Variants in ACOT7 observed in about 807,000 individuals in gnomAD.
ACOT7 encodes cytosolic acyl coenzyme A thioester hydrolase.
Under a neutral mutation model 40.2 loss-of-function variants are expected in ACOT7, and 12 were observed. That is an observed-to-expected ratio of 0.30 (90% CI 0.19 to 0.48). The LOEUF (loss-of-function observed/expected upper bound fraction) is 0.48. ACOT7 is among the 20% of genes least tolerant of loss of function. ACOT7 has a pLI of 0.99. For missense variants in ACOT7, 395 were observed against 530.8 expected, an observed-to-expected ratio of 0.74 and a Z score of 2.51; for synonymous variants, 228 against 219.5, an observed-to-expected ratio of 1.04 and a Z score of -0.34.
chr1:6,295,117 T>G, intron 6 of ACOT7, 137 bp from the exon 7 acceptor site: 2 of 589,644 alleles, frequency 3.4e-6, no homozygotes, highest in Non-Finnish European at 6.0e-6. Context: ...GGGTGCAGGG[T>G]GCTCGGCCGC....
intron 1 of ACOT7, among the ~76,000 whole-genome samples, chr1:6,356,259 C>A (rs1358112495): frequency 6.6e-6 from 1 of 152,160 alleles, no homozygotes; most frequent in Non-Finnish European, 1.5e-5. Flanking sequence ...CACCGCTGGT[C>A]TCCAGCCTGA....
At chr1:6,371,222 T>C (rs1041141944) in intron 1 of ACOT7, among the ~76,000 whole-genome samples, 1 of 152,248 alleles carries the variant, frequency 6.6e-6, no homozygotes, top group African/African-American at 2.4e-5. Context: ...CCAGGATTTG[T>C]TGTTCCATTT....
intron 3 of ACOT7, among the ~76,000 whole-genome samples, chr1:6,337,448 G>A (rs892428526): frequency 3.3e-5 from 5 of 152,220 alleles, no homozygotes; most frequent in African/African-American, 7.2e-5. Flanking sequence ...CTTCCTGGTC[G>A]CCTCTGCTCA....
chr1:6,368,353 C>T (rs1642059840), intron 1 of ACOT7, among the ~76,000 whole-genome samples: 1 of 152,182 alleles, frequency 6.6e-6, no homozygotes, highest in South Asian at 2.1e-4. Context: ...GGTGCGGTGG[C>T]TGCACCGCAG....
At chr1:6,342,717 A>G (rs1203446833) in intron 2 of ACOT7, among the ~76,000 whole-genome samples, 1 of 152,206 alleles carries the variant, frequency 6.6e-6, no homozygotes, top group East Asian at 1.9e-4. Context: ...CCCCCAGTTG[A>G]TTCTCATTAC....
At chr1:6,276,889 C>A (rs112391130) in intron 8 of ACOT7, among the ~76,000 whole-genome samples, 2 of 152,110 alleles carry the variant, frequency 1.3e-5, no homozygotes, top group African/African-American at 2.4e-5. Flanking sequence ...CGCGGCCACA[C>A]CCAGGGGATG....
At chr1:6,350,333 T>C (rs1364746923) in intron 1 of ACOT7, among the ~76,000 whole-genome samples, 1 of 152,152 alleles carries the variant, frequency 6.6e-6, no homozygotes, top group Non-Finnish European at 1.5e-5. Flanking sequence ...GAACTAAACA[T>C]GAGTCGCAGC....
At chr1:6,273,675 A>T (rs191243746) in intron 8 of ACOT7, among the ~76,000 whole-genome samples, 2 of 152,390 alleles carry the variant, frequency 1.3e-5, no homozygotes, top group East Asian at 1.9e-4. Context: ...GTCAACAATT[A>T]AAAAATTATT....
At chr1:6,389,282 C>CAA (rs146918079) in intron 1 of ACOT7, among the ~76,000 whole-genome samples, 1 of 151,880 alleles carries the variant, frequency 6.6e-6, no homozygotes, top group Non-Finnish European at 1.5e-5. Context: ...AAAGAAAACA[C>CAA]AAAAAAACCT....
chr1:6,388,934 A>C (rs56785004), intron 1 of ACOT7, among the ~76,000 whole-genome samples: 4 of 150,278 alleles, frequency 2.7e-5, no homozygotes, highest in African/African-American at 9.8e-5. Flanking sequence ...CCAGCTACTC[A>C]GGAGGCTGAG....
Position 6,299,706 on chromosome 1 carries a change from C to T in ACOT7, c.713-4726G>A, listed in dbSNP as rs1013499150. Among the ~76,000 whole-genome samples the T allele has an allele frequency of 3.3e-5, 5 of 151,252 alleles. No individual in the cohort carries two copies. Among genetic ancestry groups the T allele is most frequent in the East Asian group, 3.9e-4 (2 of 5,122 alleles). On this transcript the variant is annotated intron_variant, in intron 6 of 8. Coordinates refer to ENST00000361521, the MANE Select transcript of ACOT7 (RefSeq NM_007274.4). The surrounding 1 kb of genome is among the most constrained non-coding windows in gnomAD (Gnocchi z 4.1). ...TGTGTGTGTGTAGGGCACGTGTGTG[C>T]GTGTGTTTAAGGGGCTTAGTAGCGG...
At chr1:6,300,703 CT>C (rs140999420) in intron 6 of ACOT7, among the ~76,000 whole-genome samples, 9,513 of 145,058 alleles carry the variant, frequency 0.066, 596 homozygotes, top group African/African-American at 0.14. Flanking sequence ...AGCCCCTCCC[CT>C]CTCCACAAAC....
chr1:6,265,540 A>G (rs1638817115), intron 8 of ACOT7, among the ~76,000 whole-genome samples: 1 of 152,156 alleles, frequency 6.6e-6, no homozygotes, highest in African/African-American at 2.4e-5. Flanking sequence ...TTGGCCCAAG[A>G]CGGGGTTCTG....
rs1012189425 is a variant in ACOT7 at position 6,282,706 on chromosome 1, A to G, written c.830-1420T>C. ...AAAGTATCAGAACGATCCATGCTAC[A>G]TTCAACTTCATACTTACAGGGAGCA... On this transcript the variant is annotated intron_variant, in intron 7 of 8. Coordinates refer to ENST00000361521, the MANE Select transcript of ACOT7 (RefSeq NM_007274.4). The surrounding 1 kb of genome is among the most constrained non-coding windows in gnomAD (Gnocchi z 4.5). The G allele has an allele frequency of 7.7e-7, 1 of 1,302,612 alleles. No individual in the cohort carries two copies. Among genetic ancestry groups the G allele is most frequent in the Non-Finnish European group, 1.0e-6 (1 of 987,544 alleles). 80.7% of individuals were successfully genotyped at this position (1,302,612 alleles called of 1,614,324 possible).
chr1:6,302,311 T>C (rs1420597326), intron 6 of ACOT7, among the ~76,000 whole-genome samples: 1 of 151,972 alleles, frequency 6.6e-6, no homozygotes. Flanking sequence ...AGAGAAGTCA[T>C]AGTAGGATCC....
intron 4 of ACOT7, among the ~76,000 whole-genome samples, chr1:6,333,033 G>C (rs527602182): frequency 2.3e-4 from 35 of 152,266 alleles, no homozygotes; most frequent in Admixed American, 1.7e-3. Flanking sequence ...GGCCACGGGG[G>C]AACAGCTGGC....
chr1:6,345,883 G>T (rs543477855), intron 2 of ACOT7, among the ~76,000 whole-genome samples: 1 of 152,198 alleles, frequency 6.6e-6, no homozygotes, highest in East Asian at 1.9e-4. Flanking sequence ...GCGCTTACTC[G>T]GTGGACGCTC....
intron 1 of ACOT7, among the ~76,000 whole-genome samples, chr1:6,367,884 A>G (rs1642048328): frequency 6.6e-6 from 1 of 152,204 alleles, no homozygotes. Context: ...GTACGCAGAA[A>G]AATGGAGAGT....
At chr1:6,269,324 G>A (rs549316941) in intron 8 of ACOT7, among the ~76,000 whole-genome samples, 1 of 152,320 alleles carries the variant, frequency 6.6e-6, no homozygotes, top group South Asian at 2.1e-4. Flanking sequence ...CAGGGTCAGG[G>A]GCTTCCCTGC....
Sources: allele counts gnomAD v4.1 joint callset (sites outside exome capture counted in the v4.1 genomes callset), GRCh38; gene constraint gnomAD v4.1.1; non-coding constraint Gnocchi (gnomAD v3.1); transcripts MANE v1.5; gene names NCBI Gene and HGNC (gene_info 2026-07-23, HGNC 2026-07-21).